SEC22A: variants seen among roughly 807,000 people sequenced by gnomAD.
SEC22A encodes vesicle-trafficking protein SEC22a.
Under a neutral mutation model 35.3 loss-of-function variants are expected in SEC22A, and 22 were observed. That is an observed-to-expected ratio of 0.62 (90% CI 0.45 to 0.89). SEC22A has a LOEUF of 0.89. Ranked by LOEUF, SEC22A falls within the 40% of genes least tolerant of loss-of-function variation. The probability of loss-of-function intolerance (pLI) is 0.00; values close to 1 mark genes in which losing one functional copy is unlikely to be tolerated. For missense variants in SEC22A, 354 were observed against 362.5 expected, an observed-to-expected ratio of 0.98 and a Z score of 0.19; for synonymous variants, 119 against 129.5, an observed-to-expected ratio of 0.92 and a Z score of 0.55.
intron 6 of SEC22A, among the ~76,000 whole-genome samples, chr3:123,263,013 C>T (rs1012701174): frequency 1.3e-5 from 2 of 152,216 alleles, no homozygotes; most frequent in Admixed American, 1.3e-4. Flanking sequence ...ACAGAACATT[C>T]CTGTCACCAC....
intron 4 of SEC22A, among the ~76,000 whole-genome samples, chr3:123,226,266 C>T (rs190532583): frequency 7.2e-5 from 11 of 152,284 alleles, no homozygotes; most frequent in Non-Finnish European, 1.6e-4. Context: ...TTTTGAGGAA[C>T]CTCAAAACTA....
chr3:123,223,699 G>T lies in SEC22A; in HGVS notation c.323G>T (p.Arg108Ile). 1 of 1,613,044 alleles carries T rather than the reference G, an allele frequency of 6.2e-7. No homozygotes were observed. Among genetic ancestry groups the T allele is most frequent in the Non-Finnish European group, 8.5e-7 (1 of 1,179,588 alleles). ...YNMMKTNTAV[R>I]PYCFIEFDNF... ...ATGATGAAGACAAATACTGCTGTCA[G>T]ACCATACTGTTTCATTGAATTTGGT... Residue 108 changes from arginine to isoleucine, a missense_variant, in exon 3 of 7, where the codon AGA (arginine) becomes ATA (isoleucine). Physicochemically the swap from Arg to Ile is moderately conservative, Grantham distance 97. Coordinates refer to ENST00000492595, the MANE Select transcript of SEC22A (RefSeq NM_012430.5).
At chr3:123,229,830 C>G (rs1332921687) in intron 4 of SEC22A, among the ~76,000 whole-genome samples, 1 of 151,332 alleles carries the variant, frequency 6.6e-6, no homozygotes, top group Non-Finnish European at 1.5e-5. Context: ...CCACTGTGCT[C>G]CAGCCTGGGC....
intron 3 of SEC22A, among the ~76,000 whole-genome samples, chr3:123,224,000 C>T (rs550847263): frequency 2.6e-5 from 4 of 152,216 alleles, no homozygotes; most frequent in Admixed American, 6.5e-5. Flanking sequence ...CAGACTTTTG[C>T]GTTTCTGTAA....
At chr3:123,213,292 G>A (rs1431836112) in intron 2 of SEC22A, among the ~76,000 whole-genome samples, 1 of 152,140 alleles carries the variant, frequency 6.6e-6, no homozygotes, top group Non-Finnish European at 1.5e-5. Flanking sequence ...ACTGAAATGC[G>A]TAAAATTGAG....
intron 5 of SEC22A, among the ~76,000 whole-genome samples, chr3:123,253,585 G>A (rs956351042): frequency 6.6e-6 from 1 of 151,946 alleles, no homozygotes; most frequent in African/African-American, 2.4e-5. Context: ...GGTGGCAGGT[G>A]CCTATAATCC....
In SEC22A at chr3:123,273,808, C is replaced by CAAAAAAAAAAAAAAAAAAAAA. The variant is rs1433321578; in HGVS notation, c.*2092_*2093insAAAAAAAAAAAAAAAAAAAAA. The stretch of plus-strand genomic sequence containing the variant: ...TGGCCAACAGAGCGAGACTCTGTCT[C>CAAAAAAAAAAAAAAAAAAAAA]AAAAAAGAAAGGTTTTCTAAACTAA... On this transcript the variant is annotated 3_prime_UTR_variant, in exon 7 of 7. Coordinates refer to ENST00000492595, the MANE Select transcript of SEC22A (RefSeq NM_012430.5). 2.6e-5 allele frequency: 4 copies of CAAAAAAAAAAAAAAAAAAAAA among 151,746 alleles called. No homozygotes were observed. The highest frequency in any genetic ancestry group is 9.7e-5 in the African/African-American group (4 of 41,158). The allele number at this position is 151,746 out of a possible 1,614,324, so 9.4% of individuals were successfully genotyped here. A position where few individuals can be genotyped will look rare whatever the true frequency, so the allele number is the denominator to read the frequency against.
At chr3:123,220,019 A>T (rs1937093541) in intron 2 of SEC22A, among the ~76,000 whole-genome samples, 1 of 152,242 alleles carries the variant, frequency 6.6e-6, no homozygotes, top group Non-Finnish European at 1.5e-5. Context: ...TTTCAGAGAG[A>T]ATCTTGCAAC....
In SEC22A at chr3:123,246,007, T is replaced by C. The variant is rs773435515; in HGVS notation, c.650T>C (p.Leu217Pro). The C allele has an allele frequency of 1.0e-5, 16 of 1,586,766 alleles. No homozygotes were observed. Among genetic ancestry groups the C allele is most frequent in the East Asian group, 2.2e-5 (1 of 44,770 alleles). The part of the protein sequence containing the change: ...LIRGFHAIES[L>P]LQSDGDDFNY... The stretch of plus-strand genomic sequence containing the variant: ...CGAGGCTTTCATGCTATAGAAAGTC[T>C]CCTGCAGGTACTGTGCTATTTTTGC... Residue 217 changes from leucine to proline, a missense_variant, in exon 5 of 7, where the codon CTC becomes CCC. Transcript: ENST00000492595.
At chr3:123,227,172 G>A (rs1342987434) in intron 4 of SEC22A, among the ~76,000 whole-genome samples, 2 of 151,984 alleles carry the variant, frequency 1.3e-5, no homozygotes, top group Non-Finnish European at 2.9e-5. Flanking sequence ...GGTAGCATAT[G>A]CCATTGTCAG....
At chr3:123,206,604 A>T (rs1936858049) in intron 1 of SEC22A, among the ~76,000 whole-genome samples, 3 of 152,148 alleles carry the variant, frequency 2.0e-5, no homozygotes, top group African/African-American at 7.2e-5. Flanking sequence ...GTAAAAAAAA[A>T]ATTAAAGAGG....
rs144614252 is a variant in SEC22A at position 123,234,978 on chromosome 3, G to A, written c.541+9681G>A. On this transcript the variant is annotated intron_variant, in intron 4 of 6. Transcript: ENST00000492595. ...GCGGAGGTTACAGTGAGCTGAGATC[G>A]TGCCACTGCACTCCAGCCTGGGCAA... Among the ~76,000 whole-genome samples, 1,040 of 151,368 alleles carry A rather than the reference G, an allele frequency of 6.9e-3. 16 individuals carry two copies. Among genetic ancestry groups the A allele is most frequent in the African/African-American group, 0.024 (996 of 41,162 alleles).
intron 6 of SEC22A, among the ~76,000 whole-genome samples, chr3:123,267,579 T>TA (rs1347598873): frequency 6.6e-6 from 1 of 152,158 alleles, no homozygotes; most frequent in Non-Finnish European, 1.5e-5. Context: ...GATTTTTTTT[T>TA]AACCATCAAA....
In SEC22A at chr3:123,260,830, T is replaced by C. The variant is rs1403483145; in HGVS notation, c.723+1241T>C. Among the ~76,000 whole-genome samples the C allele has an allele frequency of 2.3e-5, 3 of 132,750 alleles. No homozygotes were observed. The Admixed American group carries it at 2.3e-4, about 10-fold the overall frequency. 87.1% of individuals were successfully genotyped at this position (132,750 alleles called of 152,430 possible). A position where few individuals can be genotyped will look rare whatever the true frequency, so the allele number is the denominator to read the frequency against. ...GCCTCATTTTTTAAAATCACTTGAT[T>C]TTCTTTTTCTTTTTTTTTTTTTTTT... On this transcript the variant is annotated intron_variant, in intron 6 of 6. Transcript: ENST00000492595.
At position 123,235,932 on chromosome 3, in the gene SEC22A, AAG is replaced by A. The variant is rs528891271; in HGVS notation, c.542-9965_542-9964del. Among the ~76,000 whole-genome samples, 9 of 152,346 alleles carry A rather than the reference AAG, an allele frequency of 5.9e-5. No homozygotes were observed. The East Asian group carries it at 1.2e-3, about 20-fold the overall frequency. ...ACCTTAAAAACATTATGCTAAATAA[AAG>A]AAGTCAATCACAAGAAGGTCACATA... is the stretch of plus-strand genomic sequence containing the variant. On this transcript the variant is annotated intron_variant, in intron 4 of 6. Coordinates refer to ENST00000492595, the MANE Select transcript of SEC22A (RefSeq NM_012430.5).
At chr3:123,257,028 G>A (rs1378079615) in intron 5 of SEC22A, among the ~76,000 whole-genome samples, 2 of 151,916 alleles carry the variant, frequency 1.3e-5, no homozygotes, top group African/African-American at 4.8e-5. Flanking sequence ...CAAAGTGCTG[G>A]GATTACAGGC....
intron 4 of SEC22A, among the ~76,000 whole-genome samples, chr3:123,238,343 G>C (rs1217024250): frequency 2.6e-5 from 4 of 152,048 alleles, no homozygotes; most frequent in African/African-American, 9.7e-5. Flanking sequence ...GGATACAGGT[G>C]CATGCCACCA....
At chr3:123,221,590 G>A (rs1937125365) in intron 2 of SEC22A, among the ~76,000 whole-genome samples, 1 of 151,458 alleles carries the variant, frequency 6.6e-6, no homozygotes, top group Admixed American at 6.6e-5. Context: ...TATATTGACA[G>A]TGCTATGCAA....
intron 2 of SEC22A, among the ~76,000 whole-genome samples, chr3:123,213,568 T>C (rs1936974973): frequency 6.6e-6 from 1 of 152,214 alleles, no homozygotes; most frequent in African/African-American, 2.4e-5. Context: ...TAGAACTCGG[T>C]TGACTGCCTT....
Sources: allele counts gnomAD v4.1 joint callset (sites outside exome capture counted in the v4.1 genomes callset), GRCh38; gene constraint gnomAD v4.1.1; transcripts MANE v1.5; gene names NCBI Gene and HGNC (gene_info 2026-07-23, HGNC 2026-07-21).